The following SFMBT2 variants were observed in gnomAD, a reference collection of about 807,000 sequenced individuals.
SFMBT2 encodes scm-like with four MBT domains protein 2.
A neutral mutation model predicts 110.1 loss-of-function variants in SFMBT2; 38 were observed. The observed-to-expected ratio is 0.35, with a 90% CI of 0.27 to 0.45. The LOEUF is 0.45. SFMBT2 is among the 20% of genes least tolerant of loss of function. The pLI, the probability that SFMBT2 is intolerant of heterozygous loss-of-function variation, is 1.00. For missense variants in SFMBT2, 1,011 were observed against 1,094.9 expected (o/e 0.92, Z 1.08); for synonymous variants, 425 against 425.4 (o/e 1.00, Z 0.01).
chr10:7,176,191 C>T (rs913488684), intron 16 of SFMBT2, 26 bp from the exon 17 acceptor site: 17 of 1,611,672 alleles, frequency 1.1e-5, no homozygotes, highest in Admixed American at 1.0e-4. Context: ...GGAAGAAAAG[C>T]GAGGGCAAGA....
At chr10:7,289,749 T>C (rs1378135590) in intron 4 of SFMBT2, among the ~76,000 whole-genome samples, 1 of 152,222 alleles carries the variant, frequency 6.6e-6, no homozygotes, top group East Asian at 1.9e-4. Flanking sequence ...CCTATTACAA[T>C]AAATATTGCT....
chr10:7,171,556 C>T lies in SFMBT2; in HGVS notation c.2415+339G>A, dbSNP rs1189570120. The stretch of plus-strand genomic sequence containing the variant: ...ATAGAGGGGACGTGGGAGCAAGACA[C>T]AGCGCAGTCAGGGGAGATGCGGGGA... On this transcript the variant is annotated intron_variant, in intron 19 of 20. Coordinates refer to ENST00000397167, the MANE Select transcript of SFMBT2 (RefSeq NM_001387889.1). This position sits in a 1 kb window ranked among gnomAD's most constrained non-coding sequence, Gnocchi z 4.9. The T allele has an allele frequency of 2.0e-6, 2 of 985,288 alleles. No individual in the cohort carries two copies. Among genetic ancestry groups the T allele is most frequent in the South Asian group, 4.7e-5 (1 of 21,292 alleles). The allele number at this position is 985,288 out of a possible 1,614,324, so 61.0% of individuals were successfully genotyped here. A position where few individuals can be genotyped will look rare whatever the true frequency, so the allele number is the denominator to read the frequency against.
chr10:7,168,902 G>A (rs1314509967), intron 20 of SFMBT2, among the ~76,000 whole-genome samples: 2 of 152,128 alleles, frequency 1.3e-5, no homozygotes, highest in Non-Finnish European at 2.9e-5. Context: ...CAGGAAGGGT[G>A]GCCAGTGTGA....
chr10:7,392,682 CT>C (rs1465842807), intron 1 of SFMBT2, among the ~76,000 whole-genome samples: 9 of 152,124 alleles, frequency 5.9e-5, no homozygotes, highest in African/African-American at 1.9e-4. Flanking sequence ...CCCAGTCTAC[CT>C]TTTCGTGGTT....
intron 4 of SFMBT2, among the ~76,000 whole-genome samples, chr10:7,309,253 C>T (rs530516465): frequency 8.5e-4 from 130 of 152,288 alleles, no homozygotes; most frequent in Middle Eastern, 3.4e-3. Flanking sequence ...TGGAGCAAGA[C>T]GTCGGTCTTT....
intron 9 of SFMBT2, among the ~76,000 whole-genome samples, chr10:7,234,237 A>T (rs1840192373): frequency 6.6e-6 from 1 of 152,188 alleles, no homozygotes; most frequent in African/African-American, 2.4e-5. Context: ...AACAGAAAAT[A>T]AGGAAGAGAA....
At chr10:7,243,235 TCAGA>T (rs1840491536) in intron 9 of SFMBT2, among the ~76,000 whole-genome samples, 1 of 152,222 alleles carries the variant, frequency 6.6e-6, no homozygotes, top group South Asian at 2.1e-4. Context: ...AAGCCACTTC[TCAGA>T]CACTTTCAAG....
intron 16 of SFMBT2, chr10:7,176,475 G>T: frequency 1.0e-6 from 1 of 984,982 alleles, no homozygotes; most frequent in Non-Finnish European, 1.2e-6. Flanking sequence ...CATACCTGAT[G>T]GGCATGGCTC....
At chr10:7,195,547 G>A (rs1486196300) in intron 15 of SFMBT2, among the ~76,000 whole-genome samples, 1 of 152,178 alleles carries the variant, frequency 6.6e-6, no homozygotes, top group Non-Finnish European at 1.5e-5. Context: ...TGGTACAATG[G>A]CCAGGCCTGC....
intron 20 of SFMBT2, among the ~76,000 whole-genome samples, chr10:7,165,219 T>C (rs1361348727): frequency 6.6e-6 from 1 of 152,180 alleles, no homozygotes; most frequent in Non-Finnish European, 1.5e-5. Flanking sequence ...TTTCTGCCAC[T>C]TGCAGAAGAA....
At chr10:7,233,010 A>G (rs1273720060) in intron 9 of SFMBT2, among the ~76,000 whole-genome samples, 1 of 152,194 alleles carries the variant, frequency 6.6e-6, no homozygotes, top group Admixed American at 6.5e-5. Context: ...TAAGATGGGT[A>G]GGAGAAGGGT....
chr10:7,400,793 G>C (rs1267841461), intron 1 of SFMBT2, among the ~76,000 whole-genome samples: 1 of 152,208 alleles, frequency 6.6e-6, no homozygotes, highest in East Asian at 1.9e-4. Context: ...CCCTGTCCTT[G>C]GGAAGTCTCA....
intron 4 of SFMBT2, among the ~76,000 whole-genome samples, chr10:7,332,275 C>CT (rs1429733592): frequency 6.6e-6 from 1 of 152,094 alleles, no homozygotes; most frequent in Non-Finnish European, 1.5e-5. Context: ...AGAAGAGTGG[C>CT]TAAGAGAGCA....
At chr10:7,234,834 C>T (rs1047300630) in intron 9 of SFMBT2, among the ~76,000 whole-genome samples, 8 of 152,148 alleles carry the variant, frequency 5.3e-5, no homozygotes, top group Non-Finnish European at 8.8e-5. Flanking sequence ...AAAGCCAGAG[C>T]TGAGCAGTGA....
intron 4 of SFMBT2, among the ~76,000 whole-genome samples, chr10:7,325,125 G>A (rs1314735077): frequency 1.3e-5 from 2 of 151,846 alleles, no homozygotes; most frequent in African/African-American, 2.4e-5. Flanking sequence ...CCGCCACCAC[G>A]TCCGGCTAAT....
chr10:7,382,175 C>T (rs767143055), intron 1 of SFMBT2, among the ~76,000 whole-genome samples: 8 of 151,972 alleles, frequency 5.3e-5, no homozygotes, highest in Admixed American at 1.3e-4. Flanking sequence ...TTTGGGAGAC[C>T]GAGGTGGGTG....
At chr10:7,308,286 G>A (rs1430050451) in intron 4 of SFMBT2, among the ~76,000 whole-genome samples, 1 of 152,090 alleles carries the variant, frequency 6.6e-6, no homozygotes, top group Non-Finnish European at 1.5e-5. Context: ...TTTCAGCCCA[G>A]GAAGTAGAGG....
chr10:7,294,239 C>T (rs1257511170), intron 4 of SFMBT2, among the ~76,000 whole-genome samples: 4 of 152,202 alleles, frequency 2.6e-5, no homozygotes, highest in Non-Finnish European at 4.4e-5. Context: ...ATAAAAAGCA[C>T]GCCAACTCAC....
intron 16 of SFMBT2, among the ~76,000 whole-genome samples, 157 bp downstream of exon 16, chr10:7,188,467 G>A (rs1838491629): frequency 6.6e-6 from 1 of 152,176 alleles, no homozygotes; most frequent in African/African-American, 2.4e-5. Flanking sequence ...TGGCAAAAAT[G>A]CCAAGAAATT....
Sources: gnomAD v4.1 joint callset for allele counts (sites outside exome capture counted in the v4.1 genomes callset) on GRCh38, gnomAD v4.1.1 for gene constraint, Gnocchi (gnomAD v3.1) non-coding constraint, MANE v1.5 for transcripts, NCBI Gene and HGNC (gene_info 2026-07-23, HGNC 2026-07-21) for gene names.